Variants in EIF3H observed in about 807,000 individuals in gnomAD.
EIF3H encodes eIF-3-gamma.
EIF3H carries 26 observed loss-of-function variants against 44.2 expected under a neutral mutation model. The ratio of observed to expected loss-of-function variants is 0.59; its 90% CI spans 0.43 to 0.82. EIF3H has a LOEUF of 0.82. Ranked by LOEUF, EIF3H falls within the 40% of genes least tolerant of loss-of-function variation. EIF3H has a pLI of 0.00. For missense variants in EIF3H, 359 were observed against 432.8 expected, an observed-to-expected ratio of 0.83 and a Z score of 1.51; for synonymous variants, 166 against 151.9, an observed-to-expected ratio of 1.09 and a Z score of -0.68.
At chr8:116,649,613 CATATAT>C (rs1813357832) in intron 5 of EIF3H, among the ~76,000 whole-genome samples, 1 of 152,128 alleles carries the variant, frequency 6.6e-6, no homozygotes, top group Non-Finnish European at 1.5e-5. Flanking sequence ...AGCTACTATA[CATATAT>C]ATATTTTTAA....
rs550192178 is a variant in EIF3H, at chr8:116,685,439, T to C, written c.290-26459A>G. ...CACAGTATTTGGAGAAACAGTTTTATAATAAGTATACTTCGGTTCAGAACA... is the reference window on the plus strand; with the variant it reads ...CACAGTATTTGGAGAAACAGTTTTACAATAAGTATACTTCGGTTCAGAACA... On this transcript the variant is annotated intron_variant, in intron 2 of 7. Coordinates refer to ENST00000521861, the MANE Select transcript of EIF3H (RefSeq NM_003756.3). 2.2e-4 allele frequency among the ~76,000 whole-genome samples: 34 copies of C among 152,306 alleles called. No homozygotes were observed. The Middle Eastern group carries it at 0.024, about 107-fold the overall frequency.
At chr8:116,672,732 AG>A (rs931356489) in intron 2 of EIF3H, among the ~76,000 whole-genome samples, 4 of 152,168 alleles carry the variant, frequency 2.6e-5, no homozygotes, top group Non-Finnish European at 5.9e-5. Context: ...CAAGATTTCT[AG>A]TCTAAAGATG....
intron 2 of EIF3H, among the ~76,000 whole-genome samples, chr8:116,667,509 T>C (rs574255017): frequency 1.3e-3 from 202 of 150,588 alleles, no homozygotes; most frequent in African/African-American, 4.8e-3. Flanking sequence ...GAATTAATAG[T>C]TTCCTTCTAT....
intron 2 of EIF3H, among the ~76,000 whole-genome samples, chr8:116,673,963 G>C (rs1489606237): frequency 6.6e-6 from 1 of 150,612 alleles, no homozygotes; most frequent in Non-Finnish European, 1.5e-5. Context: ...CCAGCTACCC[G>C]GGAGGCTGAG....
intron 1 of EIF3H, among the ~76,000 whole-genome samples, chr8:116,747,855 A>C (rs563873231): frequency 2.0e-5 from 3 of 152,188 alleles, no homozygotes; most frequent in African/African-American, 7.2e-5. Context: ...CACACCTGTA[A>C]TCCCAACATT....
intron 2 of EIF3H, among the ~76,000 whole-genome samples, chr8:116,670,690 A>G (rs1226718477): frequency 1.3e-5 from 2 of 152,236 alleles, no homozygotes. Context: ...TAGCAAAAAT[A>G]TCACATTATC....
intron 2 of EIF3H, among the ~76,000 whole-genome samples, chr8:116,676,225 A>T (rs899542720): frequency 6.6e-6 from 1 of 152,222 alleles, no homozygotes; most frequent in Non-Finnish European, 1.5e-5. Context: ...ACTATTTACT[A>T]ATACTAATGA....
At chr8:116,656,267 T>C (rs1172917520) in intron 4 of EIF3H, among the ~76,000 whole-genome samples, 1 of 152,188 alleles carries the variant, frequency 6.6e-6, no homozygotes, top group Admixed American at 6.6e-5. Flanking sequence ...CATTCTTTGT[T>C]ATCAGGTATC....
intron 2 of EIF3H, among the ~76,000 whole-genome samples, chr8:116,707,273 G>A (rs1017717144): frequency 2.6e-5 from 4 of 152,106 alleles, no homozygotes; most frequent in African/African-American, 9.7e-5. Flanking sequence ...TCCACATAAT[G>A]AATGTACTTT....
At chr8:116,648,694 G>A in intron 6 of EIF3H, 112 bp downstream of exon 6, 1 of 1,273,354 alleles carries the variant, frequency 7.9e-7, no homozygotes, top group African/African-American at 1.5e-5. Flanking sequence ...ATAATATAGA[G>A]TAGCTAACGG....
chr8:116,661,415 A>G (rs1308087542), intron 2 of EIF3H, among the ~76,000 whole-genome samples: 1 of 152,224 alleles, frequency 6.6e-6, no homozygotes, highest in Admixed American at 6.5e-5. Flanking sequence ...GCAGAAAAGA[A>G]AGACTTGGAA....
At chr8:116,732,668 CATTCATT>C (rs1814971320) in intron 1 of EIF3H, among the ~76,000 whole-genome samples, 1 of 151,984 alleles carries the variant, frequency 6.6e-6, no homozygotes, top group Admixed American at 6.6e-5. Flanking sequence ...TTCATTCATT[CATTCATT>C]CATTCACTTA....
intron 2 of EIF3H, among the ~76,000 whole-genome samples, chr8:116,659,196 A>C (rs953925476): frequency 2.6e-5 from 4 of 152,324 alleles, no homozygotes; most frequent in Middle Eastern, 3.4e-3. Context: ...TAATGAAAAA[A>C]TATTTTGTAG....
At position 116,682,346 on chromosome 8, in the gene EIF3H, T is replaced by TG. The variant is rs796515986; in HGVS notation, c.290-23367dup. On this transcript the variant is annotated intron_variant, in intron 2 of 7. Coordinates refer to ENST00000521861, the MANE Select transcript of EIF3H (RefSeq NM_003756.3). ...GCTTTAAAAAGTTACTAACAGTGAT[T>TG]GGTATAGATCCATTTTACTTGCTTT... Among the ~76,000 whole-genome samples the TG allele has an allele frequency of 4.0e-4, 61 of 152,338 alleles. 1 individual carries two copies. Among genetic ancestry groups the TG allele is most frequent in the African/African-American group, 1.4e-3 (59 of 41,584 alleles).
intron 2 of EIF3H, among the ~76,000 whole-genome samples, chr8:116,684,430 A>C (rs1469568098): frequency 6.6e-6 from 1 of 152,228 alleles, no homozygotes; most frequent in African/African-American, 2.4e-5. Context: ...CAGTTTCCAA[A>C]AGACACGGTG....
chr8:116,722,607 TTTCACACAA>T (rs1814768849), intron 2 of EIF3H, among the ~76,000 whole-genome samples: 1 of 152,184 alleles, frequency 6.6e-6, no homozygotes, highest in Non-Finnish European at 1.5e-5. Flanking sequence ...TTTTTTTAAA[TTTCACACAA>T]ATAGCAGCAT....
At chr8:116,748,440 T>C (rs1207011309) in intron 1 of EIF3H, among the ~76,000 whole-genome samples, 1 of 152,180 alleles carries the variant, frequency 6.6e-6, no homozygotes, top group Non-Finnish European at 1.5e-5. Context: ...GATGGAGAAA[T>C]ATGAACAAGC....
Position 116,743,792 on chromosome 8 carries a change from ATATAT to A in EIF3H, c.132+11869_132+11873del, listed in dbSNP as rs1411582267. Among the ~76,000 whole-genome samples the A allele has an allele frequency of 1.1e-4, 10 of 89,482 alleles. 1 individual carries two copies. The highest frequency in any genetic ancestry group is 3.5e-4 in the East Asian group (1 of 2,818). 58.7% of individuals were successfully genotyped at this position (89,482 alleles called of 152,430 possible). On this transcript the variant is annotated intron_variant, in intron 1 of 7. Transcript: ENST00000521861. ...TACATATATATATATATATATATAT[ATATAT>A]AAACACACACACACACACACACACA...
chr8:116,718,236 T>C (rs1483002168), intron 2 of EIF3H, among the ~76,000 whole-genome samples: 3 of 152,006 alleles, frequency 2.0e-5, no homozygotes, highest in African/African-American at 7.2e-5. Context: ...GATGTTGGCC[T>C]GGATGGGGTG....
Sources: allele counts gnomAD v4.1 joint callset (sites outside exome capture counted in the v4.1 genomes callset), GRCh38; gene constraint gnomAD v4.1.1; transcripts MANE v1.5; gene names NCBI Gene and HGNC (gene_info 2026-07-23, HGNC 2026-07-21).